Variants in FANCB observed in about 807,000 individuals in gnomAD.
The protein encoded by FANCB is FA complementation group B.
FANCB carries 5 observed loss-of-function variants against 38.9 expected under a neutral mutation model. That is an observed-to-expected ratio of 0.13 (90% CI 0.07 to 0.27). The LOEUF is 0.27. Among genes scored for constraint, FANCB ranks in the 10% least tolerant of loss-of-function variants. The pLI is 1.00. For missense variants in FANCB, 573 were observed against 602.7 expected (o/e 0.95, Z 0.52); for synonymous variants, 236 against 215.4 (o/e 1.10, Z -0.84).
At position 14,865,165 on chromosome X, in the gene FANCB, T is replaced by C. The variant is rs1430206691; in HGVS notation, c.346A>G (p.Asn116Asp). 8.4e-7 allele frequency: 1 copy of C among 1,187,160 alleles called. No homozygotes were observed. Among genetic ancestry groups the C allele is most frequent in the African/African-American group, 1.8e-5 (1 of 56,783 alleles). Residue 116 changes from asparagine (N) to aspartate (D), a missense_variant, in exon 3 of 10, where the codon AAT becomes GAT. By Grantham distance (23) the Asn-to-Asp change is conservative. Transcript: ENST00000650831. ...AAACTCAAACGCATTTCAAATTTATTAGTACTGTGAAGGATTAGTAAAAAA... is the reference window on the plus strand; with the variant it reads ...AAACTCAAACGCATTTCAAATTTATCAGTACTGTGAAGGATTAGTAAAAAA... Reference protein sequence around the residue: ...EYFLLILHSTNKFEMRLSFKL... With the variant: ...EYFLLILHSTDKFEMRLSFKL...
the FANCB span, among the ~76,000 whole-genome samples, chrX:14,765,716 C>G: frequency 8.9e-6 from 1 of 112,086 alleles, no homozygotes; most frequent in African/African-American, 3.2e-5. Context: ...CCTAAAAATG[C>G]TGATGACAGG....
At chrX:14,767,738 T>C in the FANCB span, among the ~76,000 whole-genome samples, 1 of 112,422 alleles carries the variant, frequency 8.9e-6, no homozygotes, top group Non-Finnish European at 1.9e-5. Flanking sequence ...CTTTGGGCAA[T>C]TTCGTCATGA....
chrX:14,718,425 C>T, the FANCB span, among the ~76,000 whole-genome samples: 6 of 112,152 alleles, frequency 5.3e-5, no homozygotes, highest in African/African-American at 1.3e-4. Flanking sequence ...TTTGGCACAA[C>T]GATGACTCAA....
the FANCB span, among the ~76,000 whole-genome samples, chrX:14,807,242 A>G: frequency 1.8e-5 from 2 of 112,602 alleles, no homozygotes; most frequent in Non-Finnish European, 3.8e-5. Context: ...GCCTAAAAAA[A>G]ATTCTTTCAC....
chrX:14,724,626 CAA>C, the FANCB span, among the ~76,000 whole-genome samples: 693 of 49,483 alleles, frequency 0.014, 6 homozygotes, highest in African/African-American at 0.057. Context: ...AACTCTGTCT[CAA>C]AAAAAAAAAA....
the FANCB span, among the ~76,000 whole-genome samples, chrX:14,748,462 T>C: frequency 8.9e-6 from 1 of 112,454 alleles, no homozygotes; most frequent in Non-Finnish European, 1.9e-5. Context: ...CAGTAATAAA[T>C]GTTTGTTGTA....
At chrX:14,701,246 G>A in the FANCB span, among the ~76,000 whole-genome samples, 6 of 111,130 alleles carry the variant, frequency 5.4e-5, no homozygotes, top group Admixed American at 5.8e-4. Context: ...GGACGTAGGG[G>A]AAATTGGATA....
chrX:14,867,183 A>G (rs1477849490), intron 2 of FANCB, among the ~76,000 whole-genome samples: 1 of 111,615 alleles, frequency 9.0e-6, no homozygotes, highest in East Asian at 2.8e-4. Flanking sequence ...ACTTAGTGCA[A>G]TGTCTAGCAA....
chrX:14,845,622 A>G (rs1211539139), intron 7 of FANCB, among the ~76,000 whole-genome samples: 1 of 111,541 alleles, frequency 9.0e-6, no homozygotes, highest in Non-Finnish European at 1.9e-5. Flanking sequence ...GAATGGCAAA[A>G]TAATGCCAGG....
At chrX:14,720,056 G>A in the FANCB span, among the ~76,000 whole-genome samples, 1 of 111,300 alleles carries the variant, frequency 9.0e-6, no homozygotes, top group South Asian at 3.8e-4. Flanking sequence ...AAGGAGTGAG[G>A]AATAGGGACA....
chrX:14,780,999 G>A, the FANCB span, among the ~76,000 whole-genome samples: 1 of 109,478 alleles, frequency 9.1e-6, no homozygotes, highest in Non-Finnish European at 1.9e-5. Context: ...GGAAGCAAGA[G>A]TGAGGTAACA....
At chrX:14,775,127 C>T in the FANCB span, among the ~76,000 whole-genome samples, 3 of 106,319 alleles carry the variant, frequency 2.8e-5, no homozygotes, top group South Asian at 8.5e-4. Flanking sequence ...CCACCGCACC[C>T]GGCCTCCACT....
chrX:14,817,359 C>T, the FANCB span, among the ~76,000 whole-genome samples: 1 of 111,670 alleles, frequency 9.0e-6, no homozygotes, highest in East Asian at 2.8e-4. Flanking sequence ...TAAATGATTG[C>T]TGAGAAACGA....
chrX:14,809,876 T>C, the FANCB span, among the ~76,000 whole-genome samples: 1 of 112,255 alleles, frequency 8.9e-6, no homozygotes. Context: ...GCAGACTGCC[T>C]CCTCAAGTGG....
the FANCB span, among the ~76,000 whole-genome samples, chrX:14,828,004 T>C: frequency 8.9e-6 from 1 of 112,474 alleles, no homozygotes; most frequent in Non-Finnish European, 1.9e-5. Flanking sequence ...TCCCAGTACA[T>C]ATGAAAGTTA....
At chrX:14,764,618 A>G in the FANCB span, among the ~76,000 whole-genome samples, 2 of 111,450 alleles carry the variant, frequency 1.8e-5, no homozygotes, top group African/African-American at 6.5e-5. Context: ...ATACAAGGGC[A>G]TAACTCATTT....
chrX:14,772,846 A>G, the FANCB span, among the ~76,000 whole-genome samples: 2 of 111,569 alleles, frequency 1.8e-5, no homozygotes, highest in Non-Finnish European at 3.8e-5. Flanking sequence ...AAGGGTTGCA[A>G]AGAATCATGG....
At chrX:14,700,881 A>G in the FANCB span, among the ~76,000 whole-genome samples, 1 of 109,656 alleles carries the variant, frequency 9.1e-6, no homozygotes, top group South Asian at 4.0e-4. Context: ...AGAGAATAAT[A>G]TTACTTACAG....
chrX:14,736,591 A>G, the FANCB span, among the ~76,000 whole-genome samples: 1 of 110,282 alleles, frequency 9.1e-6, no homozygotes, highest in South Asian at 4.0e-4. Context: ...AGTCCCAGTG[A>G]GATGAGCCGG....
Sources: gnomAD v4.1 joint callset for allele counts (sites outside exome capture counted in the v4.1 genomes callset) on GRCh38, gnomAD v4.1.1 for gene constraint, MANE v1.5 for transcripts, NCBI Gene and HGNC (gene_info 2026-07-23, HGNC 2026-07-21) for gene names.